The following PLEKHA2 variants were observed in gnomAD, a reference collection of about 807,000 sequenced individuals.
PLEKHA2 encodes the protein pleckstrin homology domain-containing family A member 2.
PLEKHA2 carries 28 observed loss-of-function variants against 53.2 expected under a neutral mutation model. The observed-to-expected ratio is 0.53, with a 90% CI of 0.39 to 0.72. PLEKHA2 has a LOEUF of 0.72. Ranked by LOEUF, PLEKHA2 falls within the 30% of genes least tolerant of loss-of-function variation. The probability of loss-of-function intolerance (pLI) is 0.00; values close to 1 mark genes in which losing one functional copy is unlikely to be tolerated. For missense variants in PLEKHA2, 426 were observed against 537.9 expected (o/e 0.79, Z 2.06); for synonymous variants, 193 against 196.4 (o/e 0.98, Z 0.14).
At chr8:38,906,593 A>C (rs1833880883) in intron 1 of PLEKHA2, among the ~76,000 whole-genome samples, 1 of 152,164 alleles carries the variant, frequency 6.6e-6, no homozygotes, top group South Asian at 2.1e-4. Context: ...ACTTGTTCTC[A>C]GTACGTTCCC....
chr8:38,973,218 T>C lies in PLEKHA2; in HGVS notation c.*3435T>C, dbSNP rs375693179. ...GTGAGACATCATAAGGGTATTGAGGTATACATTATGGAGATTGATGTCAGG... is the reference window on the plus strand; with the variant it reads ...GTGAGACATCATAAGGGTATTGAGGCATACATTATGGAGATTGATGTCAGG... On this transcript the variant is annotated 3_prime_UTR_variant, in exon 12 of 12. Transcript: ENST00000617275. 3.4e-4 allele frequency: 52 copies of C among 152,310 alleles called. 1 individual carries two copies. The highest frequency in any genetic ancestry group is 1.3e-3 in the African/African-American group (52 of 41,558). The allele number at this position is 152,310 out of a possible 1,614,324, so 9.4% of individuals were successfully genotyped here.
In PLEKHA2 at chr8:38,971,568, A is replaced by T. The variant is rs1045106297; in HGVS notation, c.*1785A>T. 2.6e-5 allele frequency: 4 copies of T among 152,230 alleles called. No individual in the cohort carries two copies. Among genetic ancestry groups the T allele is most frequent in the African/African-American group, 9.6e-5 (4 of 41,462 alleles). The allele number at this position is 152,230 out of a possible 1,614,324, so 9.4% of individuals were successfully genotyped here. On this transcript the variant is annotated 3_prime_UTR_variant, in exon 12 of 12. Transcript: ENST00000617275. ...ATAGGGACTTTTGATATCTCTTTAAATATTCCCTGACTCACGGAAAAGATG... is the reference window on the plus strand; with the variant it reads ...ATAGGGACTTTTGATATCTCTTTAATTATTCCCTGACTCACGGAAAAGATG...
chr8:38,941,658 C>T (rs1269967735), intron 3 of PLEKHA2, among the ~76,000 whole-genome samples: 1 of 152,102 alleles, frequency 6.6e-6, no homozygotes, highest in African/African-American at 2.4e-5. Context: ...TGGAGTGAGG[C>T]TTTAAAGGAA....
Position 38,953,347 on chromosome 8 carries a change from T to C in PLEKHA2, c.753T>C (p.His251=). 6.2e-7 allele frequency: 1 copy of C among 1,612,880 alleles called. No individual in the cohort carries two copies. The highest frequency in any genetic ancestry group is 8.5e-7 in the Non-Finnish European group (1 of 1,178,870). The change falls in exon 9 of 12, where the codon CAT becomes CAC. Residue 251 remains histidine, a synonymous_variant. Coordinates refer to ENST00000617275, the MANE Select transcript of PLEKHA2 (RefSeq NM_021623.2). ...TTCTTAAGGATGTTCTGAAGACCCA[T>C]GAATGTCTGGTCAAGTCTGGGTAAT... ...TIFLKDVLKT[H]ECLVKSGDLL...
intron 1 of PLEKHA2, chr8:38,901,932 C>T (rs1833792700): frequency 1.3e-5 from 2 of 152,368 alleles, no homozygotes; most frequent in South Asian, 4.1e-4. Context: ...GGAGACTCCT[C>T]TTTCACTCCC....
intron 2 of PLEKHA2, among the ~76,000 whole-genome samples, chr8:38,918,425 C>A (rs1834104182): frequency 6.8e-6 from 1 of 146,672 alleles, no homozygotes; most frequent in South Asian, 2.2e-4. Flanking sequence ...ACACACACCA[C>A]ACACACCATA....
chr8:38,940,684 T>C (rs1834594034), intron 3 of PLEKHA2, among the ~76,000 whole-genome samples: 1 of 144,610 alleles, frequency 6.9e-6, no homozygotes, highest in Non-Finnish European at 1.5e-5. Flanking sequence ...GGAAGCAAGA[T>C]GTCTAGGGGC....
chr8:38,969,333 G>T, intron 11 of PLEKHA2, 88 bp from the exon 12 acceptor site: 1 of 1,463,692 alleles, frequency 6.8e-7, no homozygotes, highest in Non-Finnish European at 9.2e-7. Flanking sequence ...GGTGATCCTG[G>T]TTGGGTACTC....
chr8:38,955,349 C>T (rs1201488443), intron 9 of PLEKHA2, among the ~76,000 whole-genome samples: 1 of 152,090 alleles, frequency 6.6e-6, no homozygotes, highest in African/African-American at 2.4e-5. Context: ...GACATTTTAG[C>T]CAGAAAGAGG....
At chr8:38,950,717 C>A in intron 5 of PLEKHA2, 133 bp from the exon 6 acceptor site, 2 of 1,105,252 alleles carry the variant, frequency 1.8e-6, no homozygotes, top group Non-Finnish European at 2.6e-6. Flanking sequence ...CTGTGGAAGG[C>A]TTGGGGAGGA....
At chr8:38,914,295 C>T (rs1833999226) in intron 1 of PLEKHA2, among the ~76,000 whole-genome samples, 1 of 152,258 alleles carries the variant, frequency 6.6e-6, no homozygotes, top group Non-Finnish European at 1.5e-5. Context: ...GTTTTGGGGG[C>T]ATTTGTTCCT....
intron 1 of PLEKHA2, among the ~76,000 whole-genome samples, chr8:38,914,877 C>T (rs979264275): frequency 4.6e-5 from 7 of 152,164 alleles, no homozygotes; most frequent in Admixed American, 3.3e-4. Context: ...GAGACAGTTC[C>T]GGAGTCGGGG....
At chr8:38,918,483 C>CA (rs1834107761) in intron 2 of PLEKHA2, among the ~76,000 whole-genome samples, 1 of 143,038 alleles carries the variant, frequency 7.0e-6, no homozygotes, top group Non-Finnish European at 1.5e-5. Context: ...ACGACACACA[C>CA]CATACACACA....
At chr8:38,903,749 G>A (rs2152362885) in intron 1 of PLEKHA2, among the ~76,000 whole-genome samples, 1 of 152,274 alleles carries the variant, frequency 6.6e-6, no homozygotes, top group South Asian at 2.1e-4. Flanking sequence ...TCAGATGAGA[G>A]CTTGCTGCAG....
chr8:38,956,600 G>A (rs1289817253), intron 9 of PLEKHA2, among the ~76,000 whole-genome samples: 4 of 152,108 alleles, frequency 2.6e-5, no homozygotes, highest in African/African-American at 4.8e-5. Flanking sequence ...AGGAGTTCAA[G>A]ACCAGCCTGA....
chr8:38,951,027 G>C (rs528637389), intron 6 of PLEKHA2, 37 bp downstream of exon 6: 11 of 1,582,676 alleles, frequency 7.0e-6, no homozygotes, highest in Middle Eastern at 1.7e-4. Context: ...GGGAGTGGGG[G>C]TGTGGAAGTG....
intron 6 of PLEKHA2, 25 bp downstream of exon 6, chr8:38,951,015 G>A (rs781029394): frequency 3.4e-5 from 55 of 1,607,216 alleles, no homozygotes; most frequent in Non-Finnish European, 4.5e-5. Context: ...TGGGGCTGCG[G>A]GGGGAGTGGG....
chr8:38,919,592 A>C (rs1399971472), intron 2 of PLEKHA2, among the ~76,000 whole-genome samples: 1 of 152,210 alleles, frequency 6.6e-6, no homozygotes, highest in Non-Finnish European at 1.5e-5. Flanking sequence ...TTAAGATGCA[A>C]TGTGGAAAAT....
At chr8:38,903,017 C>T (rs1833815717) in intron 1 of PLEKHA2, among the ~76,000 whole-genome samples, 1 of 152,204 alleles carries the variant, frequency 6.6e-6, no homozygotes, top group Admixed American at 6.5e-5. Flanking sequence ...GCCAGCCCAA[C>T]GTATGACATG....
Sources: allele counts gnomAD v4.1 joint callset (sites outside exome capture counted in the v4.1 genomes callset), GRCh38; gene constraint gnomAD v4.1.1; transcripts MANE v1.5; gene names NCBI Gene and HGNC (gene_info 2026-07-23, HGNC 2026-07-21).